GTF3C1: variants seen among roughly 807,000 people sequenced by gnomAD.
The protein encoded by GTF3C1 is general transcription factor 3C polypeptide 1.
A neutral mutation model predicts 226.7 loss-of-function variants in GTF3C1; 57 were observed. That is an observed-to-expected ratio of 0.25 (90% CI 0.20 to 0.31). GTF3C1 has a LOEUF of 0.31. GTF3C1 is among the 10% of genes least tolerant of loss of function. The pLI is 1.00. For missense variants in GTF3C1, 2,217 were observed against 2,776.1 expected (o/e 0.80, Z 4.53); for synonymous variants, 1,090 against 1,084.8 (o/e 1.00, Z -0.09).
intron 1 of GTF3C1, among the ~76,000 whole-genome samples, chr16:27,546,694 C>T (rs901846984): frequency 4.0e-5 from 6 of 151,852 alleles, no homozygotes; most frequent in African/African-American, 1.2e-4. Flanking sequence ...AGTCTAATTG[C>T]GGCTAAATCC....
At chr16:27,510,559 A>G (rs572657920) in intron 7 of GTF3C1, among the ~76,000 whole-genome samples, 1 of 152,310 alleles carries the variant, frequency 6.6e-6, no homozygotes, top group African/African-American at 2.4e-5. Flanking sequence ...GTCTCAAAAA[A>G]GAAAAAAGAA....
chr16:27,502,840 CAG>C lies in GTF3C1; in HGVS notation c.1907+17_1907+18del. ...CTGTTAGTGCCAGCAGACAGACAGA[CAG>C]ACAGACAGCTCCTTACGTGAATAAA... On this transcript the variant is annotated intron_variant, in intron 11 of 36. Coordinates refer to ENST00000356183, the MANE Select transcript of GTF3C1 (RefSeq NM_001520.4). 1 of 1,554,348 alleles carries C rather than the reference CAG, an allele frequency of 6.4e-7. No individual in the cohort carries two copies. Among genetic ancestry groups the C allele is most frequent in the Non-Finnish European group, 8.7e-7 (1 of 1,148,388 alleles).
At position 27,497,769 on chromosome 16, in the gene GTF3C1, G is replaced by C. The variant is rs1439080255; in HGVS notation, c.2218C>G (p.Gln740Glu). ...GATCCACTTGGGCCCTCTTTTCCTT[G>C]ACTGTCTTCTTCTGCCTCCCCTTGG... ...VPQGEAEEDS[Q>E]GKEGPSGSGD... Residue 740 changes from glutamine to glutamate, a missense_variant, in exon 14 of 37, where the codon CAA becomes GAA. Gln to Glu is a conservative substitution (Grantham distance 29, BLOSUM62 2). Around this residue, in one of 12 missense-constraint regions of GTF3C1, gnomAD observed 100 missense variants for 139.9 expected, o/e 0.71. Coordinates refer to ENST00000356183, the MANE Select transcript of GTF3C1 (RefSeq NM_001520.4). The C allele has an allele frequency of 6.2e-7, 1 of 1,614,050 alleles. No individual in the cohort carries two copies. Among genetic ancestry groups the C allele is most frequent in the South Asian group, 1.1e-5 (1 of 91,078 alleles).
chr16:27,544,793 C>T (rs1217388624), intron 2 of GTF3C1, among the ~76,000 whole-genome samples: 1 of 152,086 alleles, frequency 6.6e-6, no homozygotes, highest in Non-Finnish European at 1.5e-5. Context: ...TGCTCAAGGA[C>T]TGTGAGCACA....
intron 5 of GTF3C1, among the ~76,000 whole-genome samples, chr16:27,530,640 A>G (rs1400148296): frequency 1.3e-5 from 2 of 152,176 alleles, no homozygotes; most frequent in African/African-American, 2.4e-5. Flanking sequence ...GTCATGGAAG[A>G]TCTTCATACC....
At chr16:27,485,243 C>T (rs905945568) in intron 24 of GTF3C1, among the ~76,000 whole-genome samples, 1 of 152,240 alleles carries the variant, frequency 6.6e-6, no homozygotes, top group African/African-American at 2.4e-5. Context: ...CCTGGCCTGG[C>T]TGAGACCCGG....
chr16:27,540,849 T>C (rs1304787321), intron 2 of GTF3C1, among the ~76,000 whole-genome samples: 1 of 152,128 alleles, frequency 6.6e-6, no homozygotes, highest in Non-Finnish European at 1.5e-5. Flanking sequence ...GACTCTTTTT[T>C]TCTTTTTTTT....
Position 27,462,274 on chromosome 16 carries a change from A to C in GTF3C1, c.6117+20T>G, listed in dbSNP as rs1035314398. 16 of 1,537,848 alleles carry C rather than the reference A, an allele frequency of 1.0e-5. No homozygotes were observed. The highest frequency in any genetic ancestry group is 1.3e-5 in the Non-Finnish European group (15 of 1,140,114). On this transcript the variant is annotated intron_variant, in intron 36 of 36. Coordinates refer to ENST00000356183, the MANE Select transcript of GTF3C1 (RefSeq NM_001520.4). This position sits in a 1 kb window ranked among gnomAD's most constrained non-coding sequence, Gnocchi z 4.5. ...ACCCAGCCGCCTCCACACCCTGCTG[A>C]ACCCAGGAAGGCCCCACACCTGGAG...
In GTF3C1 at chr16:27,470,799, A is replaced by C. The variant is rs2141349427; in HGVS notation, c.4527-404T>G. ...TTACACATGTGCCCAAGCTGTCTCC[A>C]CGCAGTGCCTGGTGAGTCACTTCCC... is the stretch of plus-strand genomic sequence containing the variant. On this transcript the variant is annotated intron_variant, in intron 30 of 36. Transcript: ENST00000356183. The surrounding 1 kb of genome is among the most constrained non-coding windows in gnomAD (Gnocchi z 4.9). The C allele has an allele frequency of 4.9e-6, 1 of 205,934 alleles. No homozygotes were observed. Among genetic ancestry groups the C allele is most frequent in the Admixed American group, 5.3e-5 (1 of 19,040 alleles). The allele number at this position is 205,934 out of a possible 1,614,324, so 12.8% of individuals were successfully genotyped here. A position where few individuals can be genotyped will look rare whatever the true frequency, so the allele number is the denominator to read the frequency against.
chr16:27,539,107 G>A (rs536195240), intron 2 of GTF3C1, among the ~76,000 whole-genome samples: 74 of 149,536 alleles, frequency 4.9e-4, no homozygotes, highest in Non-Finnish European at 9.4e-4. Context: ...TCCTCAGTGC[G>A]CAGAATGAAT....
At chr16:27,527,338 C>T (rs1325891830) in intron 6 of GTF3C1, among the ~76,000 whole-genome samples, 1 of 152,220 alleles carries the variant, frequency 6.6e-6, no homozygotes, top group Non-Finnish European at 1.5e-5. Flanking sequence ...TGTGCCACCA[C>T]ACCTGGCTAA....
intron 12 of GTF3C1, 129 bp downstream of exon 12, chr16:27,501,062 G>T: frequency 5.5e-6 from 4 of 732,642 alleles, no homozygotes; most frequent in Non-Finnish European, 9.0e-6. Context: ...CAAATCAGGA[G>T]GCATAATGGG....
chr16:27,473,552 T>C (rs2087908173), intron 29 of GTF3C1, among the ~76,000 whole-genome samples: 1 of 152,218 alleles, frequency 6.6e-6, no homozygotes, highest in African/African-American at 2.4e-5. Flanking sequence ...CTGAGGCACA[T>C]GGACTTTAAG....
At position 27,464,112 on chromosome 16, in the gene GTF3C1, G is replaced by A. The variant is rs934291629; in HGVS notation, c.5872+208C>T. 19 of 453,700 alleles carry A rather than the reference G, an allele frequency of 4.2e-5. 1 individual carries two copies. Among genetic ancestry groups the A allele is most frequent in the African/African-American group, 3.5e-4 (17 of 49,178 alleles). 28.1% of individuals were successfully genotyped at this position (453,700 alleles called of 1,614,324 possible). ...CTCTGGAACTCACAGTGCTGCCTGG[G>A]GATGTGGGAGGCCTGCCCTCCCCTG... On this transcript the variant is annotated intron_variant, in intron 34 of 36. Coordinates refer to ENST00000356183, the MANE Select transcript of GTF3C1 (RefSeq NM_001520.4).
chr16:27,519,757 G>C (rs969104606), intron 6 of GTF3C1, among the ~76,000 whole-genome samples: 14 of 152,144 alleles, frequency 9.2e-5, no homozygotes, highest in African/African-American at 1.4e-4. Context: ...AGAAAGGAAA[G>C]AGAGAGAAAG....
chr16:27,497,290 G>A (rs1005669460), intron 14 of GTF3C1, among the ~76,000 whole-genome samples: 3 of 152,216 alleles, frequency 2.0e-5, no homozygotes, highest in Admixed American at 6.5e-5. Flanking sequence ...GGGATTTGTC[G>A]AGTTGGGACA....
chr16:27,514,356 C>A (rs1428944334), intron 6 of GTF3C1, among the ~76,000 whole-genome samples: 2 of 152,174 alleles, frequency 1.3e-5, no homozygotes, highest in African/African-American at 4.8e-5. Flanking sequence ...CTTAAGCAAT[C>A]AGGAGGGGAA....
intron 23 of GTF3C1, among the ~76,000 whole-genome samples, chr16:27,486,524 G>A (rs1163745790): frequency 6.6e-6 from 1 of 152,200 alleles, no homozygotes; most frequent in Admixed American, 6.5e-5. Context: ...CACCGAGTGA[G>A]CAGGACCAGG....
intron 6 of GTF3C1, among the ~76,000 whole-genome samples, chr16:27,515,979 C>T (rs753926018): frequency 3.9e-5 from 6 of 152,172 alleles, no homozygotes; most frequent in Non-Finnish European, 5.9e-5. Flanking sequence ...AAAGTGATGG[C>T]GCTATGTAGT....
Sources: allele counts gnomAD v4.1 joint callset (sites outside exome capture counted in the v4.1 genomes callset), GRCh38; gene constraint gnomAD v4.1.1; regional missense constraint gnomAD v4.1.1; non-coding constraint Gnocchi (gnomAD v3.1); transcripts MANE v1.5; gene names NCBI Gene and HGNC (gene_info 2026-07-23, HGNC 2026-07-21).